Variants in NEDD9 observed in about 807,000 individuals in gnomAD.
NEDD9 encodes the protein neural precursor cell expressed, developmentally down-regulated 9, also known as enhancer of filamentation 1.
A neutral mutation model predicts 76.6 loss-of-function variants in NEDD9; 26 were observed. That is an observed-to-expected ratio of 0.34 (90% confidence interval 0.25 to 0.47). The LOEUF is 0.47. NEDD9 is among the 20% of genes least tolerant of loss of function. The pLI, the probability that NEDD9 is intolerant of heterozygous loss-of-function variation, is 1.00. For missense variants in NEDD9, 937 were observed against 1,058.5 expected (o/e 0.89, Z 1.59); for synonymous variants, 392 against 414.2 (o/e 0.95, Z 0.65).
chr6:11,213,608 C>A lies in NEDD9; in HGVS notation c.132G>T (p.Trp44Cys). 3 of 1,614,194 alleles carry A rather than the reference C, an allele frequency of 1.9e-6. No homozygotes were observed. Among genetic ancestry groups the A allele is most frequent in the Non-Finnish European group, 2.5e-6 (3 of 1,180,042 alleles). Residue 44 changes from tryptophan to cysteine, a missense_variant, in exon 2 of 7, where the codon TGG becomes TGT. Physicochemically the swap from Trp to Cys is radical, Grantham distance 215. Coordinates refer to ENST00000379446, the MANE Select transcript of NEDD9 (RefSeq NM_006403.4). This position sits in a 1 kb window ranked among gnomAD's most constrained non-coding sequence, Gnocchi z 5.4. Reference protein sequence around the residue: ...EQNTGGLEGWWLCSLHGRQGI... With the variant: ...EQNTGGLEGWCLCSLHGRQGI... Reference sequence around the variant, plus strand: ...CTTGCCGACCGTGTAATGAGCACAGCCACCATCCTTCCAGTCCCCCTGTGT... The same window carrying A: ...CTTGCCGACCGTGTAATGAGCACAGACACCATCCTTCCAGTCCCCCTGTGT...
intron 3 of NEDD9, among the ~76,000 whole-genome samples, chr6:11,260,017 A>G (rs1760077486): frequency 1.3e-5 from 2 of 151,808 alleles, no homozygotes; most frequent in Non-Finnish European, 2.9e-5. Flanking sequence ...TCTCAGTGTC[A>G]GAAATCGTAC....
At position 11,213,229 on chromosome 6, in the gene NEDD9, A is replaced by T; in HGVS notation, c.459+52T>A. On this transcript the variant is annotated intron_variant, in intron 2 of 6. Coordinates refer to ENST00000379446, the MANE Select transcript of NEDD9 (RefSeq NM_006403.4). This position sits in a 1 kb window ranked among gnomAD's most constrained non-coding sequence, Gnocchi z 5.4. The stretch of plus-strand genomic sequence containing the variant: ...GAACATTTCCAAATGCTCCAAGTGT[A>T]ATGGGAAAAAAAAATAAGTAGGAAC... 1 of 1,493,542 alleles carries T rather than the reference A, an allele frequency of 6.7e-7. No homozygotes were observed. The highest frequency in any genetic ancestry group is 9.0e-7 in the Non-Finnish European group (1 of 1,105,132). 92.5% of individuals were successfully genotyped at this position (1,493,542 alleles called of 1,614,324 possible).
At position 11,198,021 on chromosome 6, in the gene NEDD9, C is replaced by A. The variant is rs181929622; in HGVS notation, c.460-4329G>T. Among the ~76,000 whole-genome samples the A allele has an allele frequency of 6.6e-6, 1 of 152,230 alleles. No homozygotes were observed. The highest frequency in any genetic ancestry group is 2.4e-5 in the African/African-American group (1 of 41,536). On this transcript the variant is annotated intron_variant, in intron 2 of 6. Transcript: ENST00000379446. The surrounding 1 kb of genome is among the most constrained non-coding windows in gnomAD (Gnocchi z 4.7). Reference sequence around the variant, plus strand: ...CATAGCAGAGCAAGGGTCCTATACTCAGATGCTCACGGACCGAGCAAGCAG... The same window carrying A: ...CATAGCAGAGCAAGGGTCCTATACTAAGATGCTCACGGACCGAGCAAGCAG...
At chr6:11,331,773 T>C (rs142359346) in intron 2 of NEDD9, among the ~76,000 whole-genome samples, 1 of 152,168 alleles carries the variant, frequency 6.6e-6, no homozygotes, top group East Asian at 1.9e-4. Flanking sequence ...ACCTCACGGG[T>C]AAGTTTGCAA....
At chr6:11,293,025 C>T (rs1182664308) in intron 3 of NEDD9, among the ~76,000 whole-genome samples, 2 of 152,194 alleles carry the variant, frequency 1.3e-5, no homozygotes, top group Non-Finnish European at 2.9e-5. Context: ...TTAACAATCT[C>T]TACAGGTGGT....
intron 2 of NEDD9, among the ~76,000 whole-genome samples, chr6:11,319,879 C>T (rs1301672293): frequency 2.0e-5 from 3 of 151,624 alleles, no homozygotes; most frequent in Non-Finnish European, 3.0e-5. Context: ...CACTAACATG[C>T]ACACATGCAC....
intron 2 of NEDD9, among the ~76,000 whole-genome samples, chr6:11,307,571 A>G (rs1761226054): frequency 6.6e-6 from 1 of 152,162 alleles, no homozygotes; most frequent in South Asian, 2.1e-4. Context: ...GTCTGTGCTT[A>G]TAAGACAACC....
intron 2 of NEDD9, among the ~76,000 whole-genome samples, chr6:11,331,454 A>T (rs553571701): frequency 6.6e-6 from 1 of 152,192 alleles, no homozygotes; most frequent in African/African-American, 2.4e-5. Flanking sequence ...TATATAAAAC[A>T]GTGTGGCGGT....
chr6:11,301,459 G>C (rs1221449561), intron 3 of NEDD9, among the ~76,000 whole-genome samples: 3 of 152,184 alleles, frequency 2.0e-5, no homozygotes, highest in Non-Finnish European at 4.4e-5. Context: ...ACAGATCAAT[G>C]AGACAGAAGG....
At chr6:11,321,251 G>A (rs929811330) in intron 2 of NEDD9, among the ~76,000 whole-genome samples, 1 of 151,900 alleles carries the variant, frequency 6.6e-6, no homozygotes, top group Admixed American at 6.6e-5. Flanking sequence ...GAGGGAATTG[G>A]CTCTTTCCTG....
rs1471378192 is a variant in NEDD9, at chr6:11,190,148, A to G, written c.1721T>C (p.Met574Thr). 6.2e-7 allele frequency: 1 copy of G among 1,614,064 alleles called. No homozygotes were observed. The highest frequency in any genetic ancestry group is 1.3e-5 in the African/African-American group (1 of 75,028). Residue 574 changes from methionine to threonine, a missense_variant, in exon 5 of 7, where the codon ATG becomes ACG. Transcript: ENST00000379446. This position sits in a 1 kb window ranked among gnomAD's most constrained non-coding sequence, Gnocchi z 5.8. ...LHLKNGPESI[M>T]NSTEYPHGGS... ...ACCGTGTGGGTACTCCGTTGAGTTC[A>G]TGATGCTCTCCGGCCCATTCTTCAG...
chr6:11,304,875 C>T (rs1168681580), intron 3 of NEDD9, among the ~76,000 whole-genome samples: 1 of 152,062 alleles, frequency 6.6e-6, no homozygotes, highest in Non-Finnish European at 1.5e-5. Flanking sequence ...TTGATGGGTG[C>T]AGCAAACCCA....
Position 11,342,312 on chromosome 6 carries a change from A to T in NEDD9, c.-213-7751T>A, listed in dbSNP as rs1762289614. On this transcript the variant is annotated intron_variant, in intron 1 of 3. Coordinates refer to the NEDD9 transcript ENST00000397378. ...GTGGCCAAGAGCTTCCCAAAATTTT[A>T]AAAAATGACTTAAAAATCCACGAAG... is the stretch of plus-strand genomic sequence containing the variant. Among the ~76,000 whole-genome samples the T allele has an allele frequency of 1.3e-5, 2 of 152,146 alleles. 1 individual carries two copies. Among genetic ancestry groups the T allele is most frequent in the South Asian group, 4.1e-4 (2 of 4,820 alleles).
At chr6:11,202,854 C>T (rs554424858) in intron 2 of NEDD9, among the ~76,000 whole-genome samples, 1 of 152,272 alleles carries the variant, frequency 6.6e-6, no homozygotes, top group South Asian at 2.1e-4. Flanking sequence ...AGAACTAAAC[C>T]TTTTGCTAGC....
At chr6:11,293,548 A>AC (rs1440943135) in intron 3 of NEDD9, among the ~76,000 whole-genome samples, 1 of 152,232 alleles carries the variant, frequency 6.6e-6, no homozygotes, top group East Asian at 1.9e-4. Context: ...GCTTTGATAT[A>AC]CATATACATT....
intron 2 of NEDD9, among the ~76,000 whole-genome samples, chr6:11,324,108 G>A (rs1761872312): frequency 6.6e-6 from 1 of 152,216 alleles, no homozygotes; most frequent in South Asian, 2.1e-4. Context: ...TGGGATCAGA[G>A]CCACGTGGCC....
intron 2 of NEDD9, among the ~76,000 whole-genome samples, chr6:11,330,845 G>C (rs1488535956): frequency 2.6e-5 from 4 of 152,122 alleles, no homozygotes. Flanking sequence ...TCTGACTTTG[G>C]CTGGCACCCC....
chr6:11,303,313 C>T (rs143021362), intron 3 of NEDD9, among the ~76,000 whole-genome samples: 11,838 of 152,030 alleles, frequency 0.078, 592 homozygotes, highest in Admixed American at 0.16. Context: ...TTACAAGGGA[C>T]GTGAAGGAAC....
chr6:11,338,961 T>C (rs1035430779), intron 1 of NEDD9, among the ~76,000 whole-genome samples: 1 of 151,966 alleles, frequency 6.6e-6, no homozygotes, highest in Non-Finnish European at 1.5e-5. Flanking sequence ...TGTTATTTTC[T>C]TTTTTCCTAT....
Sources: gnomAD v4.1 joint callset for allele counts (sites outside exome capture counted in the v4.1 genomes callset) on GRCh38, gnomAD v4.1.1 for gene constraint, Gnocchi (gnomAD v3.1) non-coding constraint, MANE v1.5 for transcripts, NCBI Gene and HGNC (gene_info 2026-07-23, HGNC 2026-07-21) for gene names.